Variants in DPP10 observed in about 807,000 individuals in gnomAD.
DPP10 encodes inactive dipeptidyl peptidase 10.
Under a neutral mutation model 120.9 loss-of-function variants are expected in DPP10, and 33 were observed. That is an observed-to-expected ratio of 0.27 (90% CI 0.21 to 0.37). The LOEUF is 0.37. DPP10 is among the 10% of genes least tolerant of loss of function. The pLI is 1.00. For missense variants in DPP10, 816 were observed against 942.8 expected, an observed-to-expected ratio of 0.87 and a Z score of 1.76; for synonymous variants, 337 against 326.1, an observed-to-expected ratio of 1.03 and a Z score of -0.36.
chr2:115,130,797 C>T (rs1285910575), intron 1 of DPP10: 1 of 152,208 alleles, frequency 6.6e-6, no homozygotes, highest in Non-Finnish European at 1.5e-5. Context: ...TCTTTCTCAA[C>T]TCCTACTTCC....
Position 114,686,232 on chromosome 2 carries a change from A to T in DPP10, c.60+243394A>T, listed in dbSNP as rs556302901. ...GAGCTAAGTGACTGAAAAATTACCT[A>T]ACCTTGTTTAGTATCAATTTTTGTA... On this transcript the variant is annotated intron_variant, in intron 1 of 25. Transcript: ENST00000410059. 2.0e-5 allele frequency among the ~76,000 whole-genome samples: 3 copies of T among 152,044 alleles called. No individual in the cohort carries two copies. The East Asian group carries it at 5.9e-4, about 30-fold the overall frequency.
chr2:114,551,794 G>A (rs1687908783), intron 1 of DPP10, among the ~76,000 whole-genome samples: 1 of 152,064 alleles, frequency 6.6e-6, no homozygotes, highest in Admixed American at 6.6e-5. Context: ...CTTCTTCCCA[G>A]TTTCTGACCT....
intron 1 of DPP10, among the ~76,000 whole-genome samples, chr2:115,075,827 G>A (rs1182677345): frequency 1.3e-5 from 2 of 151,762 alleles, no homozygotes; most frequent in African/African-American, 4.8e-5. Context: ...AAATATTCAG[G>A]GGCAGTGAGT....
chr2:115,367,020 A>G (rs1354815538), intron 3 of DPP10, among the ~76,000 whole-genome samples: 2 of 151,970 alleles, frequency 1.3e-5, no homozygotes, highest in African/African-American at 4.8e-5. Context: ...ATACGAAGAT[A>G]TTTTCTGCAA....
chr2:115,457,286 T>C (rs1398312401), intron 3 of DPP10, among the ~76,000 whole-genome samples: 2 of 152,046 alleles, frequency 1.3e-5, no homozygotes, highest in Non-Finnish European at 2.9e-5. Flanking sequence ...ACCTTAATGT[T>C]AGCACTAACA....
intron 1 of DPP10, among the ~76,000 whole-genome samples, chr2:114,863,659 T>G (rs891193907): frequency 6.6e-6 from 1 of 152,240 alleles, no homozygotes; most frequent in South Asian, 2.1e-4. Context: ...ATGTGTGATT[T>G]GACACAGGAT....
chr2:115,688,380 A>G (rs116684480), intron 5 of DPP10, among the ~76,000 whole-genome samples: 1,677 of 152,300 alleles, frequency 0.011, 37 homozygotes, highest in African/African-American at 0.039. Flanking sequence ...AATTGAAGCT[A>G]TTATTCCAGT....
intron 1 of DPP10, among the ~76,000 whole-genome samples, chr2:114,715,111 A>T (rs1267233334): frequency 6.6e-6 from 1 of 152,196 alleles, no homozygotes; most frequent in Non-Finnish European, 1.5e-5. Context: ...CAGGACCATA[A>T]ATCTTTCTGT....
chr2:115,379,648 G>C (rs1020557244), intron 3 of DPP10, among the ~76,000 whole-genome samples: 1 of 151,958 alleles, frequency 6.6e-6, no homozygotes, highest in African/African-American at 2.4e-5. Flanking sequence ...TGATGTCAGG[G>C]TGTCAATTTT....
chr2:115,158,076 A>G (rs1028162153), intron 1 of DPP10, among the ~76,000 whole-genome samples: 12 of 152,220 alleles, frequency 7.9e-5, no homozygotes, highest in African/African-American at 2.4e-4. Flanking sequence ...TCTTTCTGAC[A>G]TATCAGCTGT....
chr2:115,437,363 A>G (rs2071589676), intron 3 of DPP10, among the ~76,000 whole-genome samples: 1 of 152,080 alleles, frequency 6.6e-6, no homozygotes, highest in Non-Finnish European at 1.5e-5. Flanking sequence ...CTAACTTTAT[A>G]GAGAGGATTG....
At chr2:114,750,118 A>G (rs749882588) in intron 1 of DPP10, among the ~76,000 whole-genome samples, 2 of 152,194 alleles carry the variant, frequency 1.3e-5, no homozygotes, top group Non-Finnish European at 2.9e-5. Flanking sequence ...AGAAATGGGA[A>G]AGAATAGGAG....
At chr2:115,684,220 G>T (rs777365470) in intron 5 of DPP10, among the ~76,000 whole-genome samples, 1 of 151,786 alleles carries the variant, frequency 6.6e-6, no homozygotes. Context: ...AAAGGGCAAT[G>T]TTTTAAAAAT....
chr2:114,558,925 T>C (rs772058427), intron 1 of DPP10, among the ~76,000 whole-genome samples: 5 of 152,168 alleles, frequency 3.3e-5, no homozygotes, highest in Non-Finnish European at 5.9e-5. Context: ...TATTTCAATA[T>C]AGTCATAAGT....
chr2:114,852,624 G>A lies in DPP10; in HGVS notation c.60+409786G>A, dbSNP rs147449396. ...GGCATCTGTGGATTTCAGTTTCCGC[G>A]GCGGGGGCGGGGGTCTGAAACCAAT... On this transcript the variant is annotated intron_variant, in intron 1 of 25. Transcript: ENST00000410059. 1.3e-3 allele frequency among the ~76,000 whole-genome samples: 192 copies of A among 152,090 alleles called. 1 individual carries two copies. Among genetic ancestry groups the A allele is most frequent in the African/African-American group, 4.2e-3 (176 of 41,484 alleles).
chr2:114,704,563 T>G (rs1700574901), intron 1 of DPP10, among the ~76,000 whole-genome samples: 1 of 152,206 alleles, frequency 6.6e-6, no homozygotes, highest in South Asian at 2.1e-4. Context: ...TTCAACCATT[T>G]GCAGGGTCAT....
At chr2:115,288,023 G>C (rs1244088359) in intron 1 of DPP10, among the ~76,000 whole-genome samples, 1 of 151,978 alleles carries the variant, frequency 6.6e-6, no homozygotes, top group Non-Finnish European at 1.5e-5. Context: ...TTTTTCCTTT[G>C]GGTAGATATT....
At chr2:115,569,706 A>C (rs2081229551) in intron 5 of DPP10, among the ~76,000 whole-genome samples, 1 of 152,224 alleles carries the variant, frequency 6.6e-6, no homozygotes, top group Non-Finnish European at 1.5e-5. Flanking sequence ...GAACTAGTAC[A>C]AGTATGCATT....
rs183114417 is a variant in DPP10, at chr2:115,721,801, C to T, written c.577-6015C>T. On this transcript the variant is annotated intron_variant, in intron 7 of 25. Transcript: ENST00000410059. ...TTGGAATCTCAAAGAGTTATTAGCA[C>T]TCCTATGTTCATTGCAGCCCTATTC... Among the ~76,000 whole-genome samples the T allele has an allele frequency of 1.4e-4, 21 of 152,250 alleles. 1 individual carries two copies. In the East Asian group the frequency reaches 3.7e-3, roughly 27 times the overall value.
Sources: gnomAD v4.1 joint callset for allele counts (sites outside exome capture counted in the v4.1 genomes callset) on GRCh38, gnomAD v4.1.1 for gene constraint, MANE v1.5 for transcripts, NCBI Gene and HGNC (gene_info 2026-07-23, HGNC 2026-07-21) for gene names.